The following PCDH9 variants were observed in gnomAD, a reference collection of about 807,000 sequenced individuals.
PCDH9 encodes the protein protocadherin-9.
PCDH9 carries 24 observed loss-of-function variants against 70.6 expected under a neutral mutation model. The ratio of observed to expected loss-of-function variants is 0.34; its 90% CI spans 0.25 to 0.48. The LOEUF is 0.48. PCDH9 is among the 20% of genes least tolerant of loss of function. The pLI is 0.99. For missense variants in PCDH9, 1,281 were observed against 1,503.6 expected, an observed-to-expected ratio of 0.85 and a Z score of 2.45; for synonymous variants, 562 against 558.5, an observed-to-expected ratio of 1.01 and a Z score of -0.09.
chr13:66,598,761 G>T (rs1296957156), intron 4 of PCDH9, among the ~76,000 whole-genome samples: 2 of 151,772 alleles, frequency 1.3e-5, no homozygotes, highest in Non-Finnish European at 2.9e-5. Flanking sequence ...GTGTTTTAAG[G>T]GAAAAGGGAA....
Position 66,546,025 on chromosome 13 carries a change from G to C in PCDH9, c.3340+85185C>G, listed in dbSNP as rs150916589. Among the ~76,000 whole-genome samples, 4 of 151,550 alleles carry C rather than the reference G, an allele frequency of 2.6e-5. No homozygotes were observed. In the East Asian group the frequency reaches 5.8e-4, roughly 22 times the overall value. ...TATTTTTTTCTATCTTTTTTTAATA[G>C]AGACAGGTTTCACCATGTTAGCCAG... On this transcript the variant is annotated intron_variant, in intron 4 of 4. Coordinates refer to ENST00000377865, the MANE Select transcript of PCDH9 (RefSeq NM_203487.3).
chr13:66,717,249 A>G (rs1407526458), intron 3 of PCDH9, among the ~76,000 whole-genome samples: 1 of 151,642 alleles, frequency 6.6e-6, no homozygotes, highest in African/African-American at 2.4e-5. Context: ...TGAGGTCAGG[A>G]GTTCAAGACC....
At chr13:66,407,549 G>A (rs1031075125) in intron 4 of PCDH9, among the ~76,000 whole-genome samples, 1 of 152,004 alleles carries the variant, frequency 6.6e-6, no homozygotes. Context: ...TTTCCATGTA[G>A]GTATAAAACT....
chr13:66,377,316 C>T (rs989492057), intron 4 of PCDH9, among the ~76,000 whole-genome samples: 6 of 152,054 alleles, frequency 3.9e-5, no homozygotes, highest in Non-Finnish European at 7.4e-5. Flanking sequence ...TGCCAGTCCC[C>T]GCCCTGAGTT....
chr13:67,150,905 TC>T (rs758366288), intron 2 of PCDH9, among the ~76,000 whole-genome samples: 10 of 152,190 alleles, frequency 6.6e-5, no homozygotes, highest in Non-Finnish European at 1.3e-4. Flanking sequence ...AGATTAGCTT[TC>T]TTGTTTAACC....
intron 2 of PCDH9, among the ~76,000 whole-genome samples, chr13:67,035,656 G>A (rs1439016517): frequency 6.6e-6 from 1 of 150,622 alleles, no homozygotes; most frequent in African/African-American, 2.4e-5. Context: ...GTAATAATAA[G>A]GCACCCAAGG....
chr13:66,342,678 A>C (rs913484342), intron 4 of PCDH9, among the ~76,000 whole-genome samples: 4 of 152,170 alleles, frequency 2.6e-5, no homozygotes, highest in Admixed American at 1.3e-4. Flanking sequence ...GCTGAACTGC[A>C]GTGGCACAAC....
Position 66,818,704 on chromosome 13 carries a change from G to A in PCDH9, c.3138+84800C>T, listed in dbSNP as rs576430059. ...TCCCAGCACTTTGGGAGGCCGAGGC[G>A]GGCGGATCACGAGGTCAGGAGATCG... On this transcript the variant is annotated intron_variant, in intron 3 of 4. Transcript: ENST00000377865. Among the ~76,000 whole-genome samples, 417 of 152,126 alleles carry A rather than the reference G, an allele frequency of 2.7e-3. 4 individuals are homozygous for A. The highest frequency in any genetic ancestry group is 8.1e-3 in the African/African-American group (337 of 41,520).
intron 4 of PCDH9, among the ~76,000 whole-genome samples, chr13:66,306,462 A>C (rs533141453): frequency 6.6e-6 from 1 of 151,548 alleles, no homozygotes; most frequent in East Asian, 1.9e-4. Context: ...TGATGGGTGC[A>C]CTAAAATCTC....
intron 2 of PCDH9, among the ~76,000 whole-genome samples, chr13:66,908,041 A>G (rs1368865834): frequency 6.6e-6 from 1 of 152,238 alleles, no homozygotes; most frequent in South Asian, 2.1e-4. Context: ...TAATAATTCC[A>G]AAGAAATTTA....
intron 2 of PCDH9, chr13:67,204,927 T>C (rs1318676643): frequency 4.6e-5 from 7 of 152,196 alleles, no homozygotes; most frequent in African/African-American, 1.2e-4. Context: ...CACTCTTCCA[T>C]GAAAATCTGC....
At chr13:67,026,733 A>T (rs572434907) in intron 2 of PCDH9, among the ~76,000 whole-genome samples, 241 of 152,162 alleles carry the variant, frequency 1.6e-3, no homozygotes, top group African/African-American at 5.6e-3. Context: ...ATACAAAATC[A>T]ATGTACAAAA....
intron 3 of PCDH9, among the ~76,000 whole-genome samples, chr13:66,800,272 C>T (rs1158207122): frequency 6.6e-6 from 1 of 152,034 alleles, no homozygotes; most frequent in Admixed American, 6.6e-5. Context: ...TTCTGAAGTA[C>T]TTTCTCTCAT....
Position 66,863,194 on chromosome 13 carries a change from T to C in PCDH9, c.3138+40310A>G, listed in dbSNP as rs571067014. On this transcript the variant is annotated intron_variant, in intron 3 of 4. Transcript: ENST00000377865. ...AAATAAAAACTGCTTAGATTTTAAC[T>C]CTGGATCTGTTCTCTCTGGTAATGA... Among the ~76,000 whole-genome samples, 168 of 152,344 alleles carry C rather than the reference T, an allele frequency of 1.1e-3. 2 individuals are homozygous for C. Among genetic ancestry groups the C allele is most frequent in the Middle Eastern group, 0.01 (3 of 294 alleles).
chr13:67,175,997 G>A (rs1211549637), intron 2 of PCDH9, among the ~76,000 whole-genome samples: 1 of 151,636 alleles, frequency 6.6e-6, no homozygotes, highest in African/African-American at 2.4e-5. Flanking sequence ...GTTTCCAGCT[G>A]ATGTGTTTGA....
At chr13:66,533,030 T>C (rs1245284410) in intron 4 of PCDH9, among the ~76,000 whole-genome samples, 2 of 152,122 alleles carry the variant, frequency 1.3e-5, no homozygotes, top group Non-Finnish European at 2.9e-5. Context: ...CATCTTTCTG[T>C]GGGTTGAGGA....
rs949694604 is a variant in PCDH9 at position 66,874,797 on chromosome 13, T to C, written c.3138+28707A>G. 3.9e-5 allele frequency among the ~76,000 whole-genome samples: 6 copies of C among 152,244 alleles called. No homozygotes were observed. In the East Asian group the frequency reaches 7.7e-4, roughly 20 times the overall value. Reference sequence around the variant, plus strand: ...GAAGGCTTGAAGGCTTCTCTAAATATCAAATCCTCTGTTAAATTGTTAAAA... The same window carrying C: ...GAAGGCTTGAAGGCTTCTCTAAATACCAAATCCTCTGTTAAATTGTTAAAA... On this transcript the variant is annotated intron_variant, in intron 3 of 4. Transcript: ENST00000377865.
At chr13:67,180,517 C>T (rs1270366595) in intron 2 of PCDH9, among the ~76,000 whole-genome samples, 1 of 152,110 alleles carries the variant, frequency 6.6e-6, no homozygotes, top group Non-Finnish European at 1.5e-5. Context: ...CAAACCATCA[C>T]ATTATTTATA....
At chr13:66,464,225 TA>T (rs960201844) in intron 4 of PCDH9, among the ~76,000 whole-genome samples, 44 of 145,672 alleles carry the variant, frequency 3.0e-4, no homozygotes, top group Admixed American at 4.1e-4. Flanking sequence ...AGTGAATGAT[TA>T]AAAAAAAAAA....
Sources: allele counts gnomAD v4.1 joint callset (sites outside exome capture counted in the v4.1 genomes callset), GRCh38; gene constraint gnomAD v4.1.1; transcripts MANE v1.5; gene names NCBI Gene and HGNC (gene_info 2026-07-23, HGNC 2026-07-21).